The following NXPE1 variants were observed in gnomAD, a reference collection of about 807,000 sequenced individuals.
The protein encoded by NXPE1 is neurexophilin and PC-esterase domain family member 1, also known as NXPE family member 1.
Under a neutral mutation model 33.3 loss-of-function variants are expected in NXPE1, and 31 were observed. That is an observed-to-expected ratio of 0.93 (90% confidence interval 0.70 to 1.26). The LOEUF is 1.26. Ranked by LOEUF, NXPE1 falls within the 50% of genes most tolerant of loss-of-function variation. The probability of loss-of-function intolerance (pLI) is 0.00; values close to 1 mark genes in which losing one functional copy is unlikely to be tolerated. For missense variants in NXPE1, 661 were observed against 655.6 expected (o/e 1.01, Z -0.09); for synonymous variants, 229 against 231.4 (o/e 0.99, Z 0.09).
rs550098270 is a variant in NXPE1 at position 114,535,179 on chromosome 11, C to T, written c.100-4271G>A. 2.6e-5 allele frequency among the ~76,000 whole-genome samples: 4 copies of T among 152,238 alleles called. No individual in the cohort carries two copies. In the South Asian group the frequency reaches 8.3e-4, roughly 32 times the overall value. ...ACCCAGAATTTCATATCCAACCAAA[C>T]TAAGCTTCATAAGTGAAGGAGAAAT... On this transcript the variant is annotated intron_variant, in intron 5 of 8. Coordinates refer to ENST00000534921, the Ensembl canonical transcript of NXPE1.
At chr11:114,548,737 TA>T (rs1311526703) in intron 5 of NXPE1, among the ~76,000 whole-genome samples, 291 of 151,820 alleles carry the variant, frequency 1.9e-3, no homozygotes, top group African/African-American at 6.8e-3. Flanking sequence ...AACACCCAGT[TA>T]AAAAGTTAGA....
At chr11:114,523,071 T>C (rs749330462) in exon 8 of NXPE1, 1 of 1,613,054 alleles carries the variant, frequency 6.2e-7, no homozygotes, top group Admixed American at 1.7e-5. Flanking sequence ...ACTTGGCATG[T>C]CTCTTCTATT....
intron 5 of NXPE1, among the ~76,000 whole-genome samples, chr11:114,535,779 A>T (rs1189488820): frequency 1.3e-5 from 2 of 152,326 alleles, no homozygotes; most frequent in East Asian, 3.9e-4. Context: ...TAGATTCATA[A>T]AGCAAGTCCT....
chr11:114,543,220 G>T (rs1041973672), intron 5 of NXPE1, among the ~76,000 whole-genome samples: 1 of 152,128 alleles, frequency 6.6e-6, no homozygotes, highest in Admixed American at 6.6e-5. Flanking sequence ...GTTGGGCATG[G>T]TGGCGGGCAG....
chr11:114,523,172 G>A, intron 7 of NXPE1, 81 bp from the exon 8 acceptor site: 1 of 1,010,262 alleles, frequency 9.9e-7, no homozygotes, highest in Non-Finnish European at 1.5e-6. Context: ...TCATTTTCTT[G>A]CTCTCTTTCC....
At chr11:114,535,523 GTAT>G (rs1947781786) in intron 5 of NXPE1, among the ~76,000 whole-genome samples, 1 of 152,246 alleles carries the variant, frequency 6.6e-6, no homozygotes, top group East Asian at 1.9e-4. Flanking sequence ...TCAGTGTGCT[GTAT>G]TCAGGAAACC....
At chr11:114,551,290 A>T in intron 4 of NXPE1, 79 bp from the exon 5 acceptor site, 1 of 1,327,626 alleles carries the variant, frequency 7.5e-7, no homozygotes, top group Non-Finnish European at 1.0e-6. Context: ...TATAACTTGT[A>T]ATTTGCCTCC....
chr11:114,552,576 T>C (rs1948528928), intron 2 of NXPE1, among the ~76,000 whole-genome samples: 1 of 151,754 alleles, frequency 6.6e-6, no homozygotes, highest in Admixed American at 6.6e-5. Flanking sequence ...GCATGTTCAA[T>C]AGGACAAAGA....
chr11:114,554,252 A>G (rs1365301269), intron 1 of NXPE1: 1 of 976,516 alleles, frequency 1.0e-6, no homozygotes, highest in Non-Finnish European at 1.2e-6. Context: ...CCTCTATTGT[A>G]TTTGACTGTG....
chr11:114,533,428 G>A (rs1222374201), intron 5 of NXPE1, among the ~76,000 whole-genome samples: 1 of 152,164 alleles, frequency 6.6e-6, no homozygotes, highest in East Asian at 1.9e-4. Flanking sequence ...GGGAGTGCCG[G>A]ACAGTGGGTG....
At chr11:114,548,058 T>G (rs1045860129) in intron 5 of NXPE1, among the ~76,000 whole-genome samples, 1 of 152,052 alleles carries the variant, frequency 6.6e-6, no homozygotes, top group African/African-American at 2.4e-5. Context: ...TCTTGGTATC[T>G]GATAAGGTAA....
At chr11:114,537,720 A>G (rs1280627253) in intron 5 of NXPE1, among the ~76,000 whole-genome samples, 6 of 152,024 alleles carry the variant, frequency 3.9e-5, no homozygotes, top group African/African-American at 1.2e-4. Flanking sequence ...AATCCAACTT[A>G]CAAGGGATGT....
In NXPE1 at chr11:114,527,931, G is replaced by A. The variant is rs893180453; in HGVS notation, c.834-30C>T. 9 of 1,544,638 alleles carry A rather than the reference G, an allele frequency of 5.8e-6. No homozygotes were observed. The African/African-American group carries it at 1.2e-4, about 21-fold the overall frequency. On this transcript the variant is annotated intron_variant, in intron 6 of 8. Transcript: ENST00000534921. ...AAAAAAAAAATAGAACAATAAATTA[G>A]CCTGCTCTCTGCCCATGTAACACAG...
Position 114,530,372 on chromosome 11 carries a change from G to T in NXPE1, c.636C>A (p.Gly212=), listed in dbSNP as rs750154956. Residue 212 remains glycine, a synonymous_variant, in exon 6 of 9, where the codon GGC becomes GGA. Coordinates refer to ENST00000534921, the Ensembl canonical transcript of NXPE1. ...CACATTCAGTGAAGACATGAGAGGT[G>T]CCATTAACAAATTTGCCTTTGAAAA... The T allele has an allele frequency of 2.2e-5, 35 of 1,614,056 alleles. 1 individual carries two copies. The South Asian group carries it at 3.7e-4, about 17-fold the overall frequency.
At chr11:114,541,086 TACTTATA>T (rs1948084389) in intron 5 of NXPE1, among the ~76,000 whole-genome samples, 1 of 152,096 alleles carries the variant, frequency 6.6e-6, no homozygotes, top group African/African-American at 2.4e-5. Flanking sequence ...AGATGTGATT[TACTTATA>T]ACCACAGGTT....
intron 3 of NXPE1, 23 bp from the exon 4 acceptor site, chr11:114,551,464 C>T (rs1948480174): frequency 1.7e-6 from 2 of 1,188,914 alleles, no homozygotes; most frequent in Non-Finnish European, 2.1e-6. Flanking sequence ...TCAAAGTCAC[C>T]TTATAGGTTC....
chr11:114,529,737 G>A (rs903351239), intron 6 of NXPE1: 1 of 171,102 alleles, frequency 5.8e-6, no homozygotes, highest in Non-Finnish European at 1.3e-5. Context: ...TATGACTGCT[G>A]GGAGAGAGAC....
At position 114,539,613 on chromosome 11, in the gene NXPE1, A is replaced by G. The variant is rs1428555151; in HGVS notation, c.100-8705T>C. ...TCAAAAAAAATTAAAAATTTTCTGT[A>G]TTTCTAATTAAATTCTTAAGATGGG... On this transcript the variant is annotated intron_variant, in intron 5 of 8. Coordinates refer to ENST00000534921, the Ensembl canonical transcript of NXPE1. 2.6e-5 allele frequency among the ~76,000 whole-genome samples: 4 copies of G among 152,164 alleles called. No homozygotes were observed. The East Asian group carries it at 5.8e-4, about 22-fold the overall frequency.
downstream of NXPE1, among the ~76,000 whole-genome samples, chr11:114,521,232 C>T (rs561137877): frequency 5.6e-4 from 85 of 152,258 alleles, no homozygotes; most frequent in Non-Finnish European, 9.4e-4. Context: ...AAGGGTTTAC[C>T]CAACTCCACT....
Sources: allele counts gnomAD v4.1 joint callset (sites outside exome capture counted in the v4.1 genomes callset), GRCh38; gene constraint gnomAD v4.1.1; transcripts MANE v1.5; gene names NCBI Gene and HGNC (gene_info 2026-07-23, HGNC 2026-07-21).